The following CNEP1R1 variants were observed in gnomAD, a reference collection of about 807,000 sequenced individuals.
CNEP1R1 encodes the protein nuclear envelope phosphatase-regulatory subunit 1.
A neutral mutation model predicts 22.7 loss-of-function variants in CNEP1R1; 10 were observed. The ratio of observed to expected loss-of-function variants is 0.44; its 90% CI spans 0.27 to 0.75. The LOEUF (loss-of-function observed/expected upper bound fraction) is 0.75. CNEP1R1 is among the 30% of genes least tolerant of loss of function. The pLI is 0.17. For synonymous variants in CNEP1R1, 53 were observed against 50.1 expected (o/e 1.06, Z -0.25); for missense variants, 73 against 151.5 (o/e 0.48, Z 2.72).
At chr16:50,029,904 A>G in intron 3 of CNEP1R1, 106 bp downstream of exon 3, 1 of 619,772 alleles carries the variant, frequency 1.6e-6, no homozygotes. Context: ...AACTACTACT[A>G]GTGATATTGT....
intron 1 of CNEP1R1, chr16:50,026,149 CTAAAAG>C (rs1232345221): frequency 2.2e-6 from 1 of 457,728 alleles, no homozygotes; most frequent in Non-Finnish European, 3.9e-6. Context: ...TATGAAGCTT[CTAAAAG>C]TAAATCAGCA....
intron 5 of CNEP1R1, chr16:50,034,483 C>T (rs969294988): frequency 3.3e-6 from 1 of 307,520 alleles, no homozygotes; most frequent in Non-Finnish European, 6.2e-6. Flanking sequence ...AATGGCTCAG[C>T]GGATATTGGT....
At position 50,025,322 on chromosome 16, in the gene CNEP1R1, T is replaced by A; in HGVS notation, c.7T>A (p.Ser3Thr). 7.0e-7 allele frequency: 1 copy of A among 1,432,674 alleles called. No homozygotes were observed. Among genetic ancestry groups the A allele is most frequent in the Non-Finnish European group, 9.1e-7 (1 of 1,096,856 alleles). The allele number at this position is 1,432,674 out of a possible 1,614,324, so 88.7% of individuals were successfully genotyped here. The change falls in exon 1 of 6, where the codon TCG becomes ACG. Residue 3 changes from serine (S) to threonine (T), a missense_variant. Physicochemically the swap from Ser to Thr is moderately conservative, Grantham distance 58 (BLOSUM62 1). Transcript: ENST00000427478. Reference protein sequence around the residue: MNSLEQAEDLKAF... With the variant: MNTLEQAEDLKAF... Reference sequence around the variant, plus strand: ...ACCCGAGCTGCCGCCCGACATGAACTCGCTGGAGCAGGCGGAAGGTAGGGT... The same window carrying A: ...ACCCGAGCTGCCGCCCGACATGAACACGCTGGAGCAGGCGGAAGGTAGGGT...
intron 2 of CNEP1R1, among the ~76,000 whole-genome samples, chr16:50,027,263 A>T (rs2036192779): frequency 6.6e-6 from 1 of 152,098 alleles, no homozygotes. Flanking sequence ...TAATCCCAAC[A>T]CTTTGGTAGG....
chr16:50,025,809 G>C, intron 1 of CNEP1R1: 1 of 922,460 alleles, frequency 1.1e-6, no homozygotes, highest in Non-Finnish European at 1.7e-6. Flanking sequence ...CTAGAACTAG[G>C]CGCTGCCTGG....
intron 2 of CNEP1R1, among the ~76,000 whole-genome samples, chr16:50,028,625 A>C (rs1357594650): frequency 6.6e-6 from 1 of 152,190 alleles, no homozygotes; most frequent in Non-Finnish European, 1.5e-5. Context: ...AATGTGATAT[A>C]AATATACTTT....
intron 5 of CNEP1R1, 185 bp downstream of exon 5, chr16:50,034,341 C>T: frequency 1.8e-6 from 1 of 559,928 alleles, no homozygotes; most frequent in Non-Finnish European, 3.2e-6. Flanking sequence ...ATCCATCTTA[C>T]AGTCAATGAG....
At chr16:50,031,644 A>C (rs953459166) in intron 3 of CNEP1R1, among the ~76,000 whole-genome samples, 1 of 152,240 alleles carries the variant, frequency 6.6e-6, no homozygotes, top group Non-Finnish European at 1.5e-5. Context: ...TTAGGTGAGA[A>C]TATAACTATT....
chr16:50,025,535 C>T, intron 1 of CNEP1R1, 195 bp downstream of exon 1: 3 of 1,162,822 alleles, frequency 2.6e-6, no homozygotes, highest in Non-Finnish European at 3.7e-6. Context: ...CCTGAGTCCC[C>T]ACAAACCTAG....
rs71138024 is a variant in CNEP1R1 at position 50,027,507 on chromosome 16, C to CAA, written c.97+1058_97+1059dup. ...TGGGCGACAGAGCGAGACTCTGTCT[C>CAA]AAAAAAAAAAAAAAAAAAATTTAGC... On this transcript the variant is annotated intron_variant, in intron 2 of 5. Transcript: ENST00000427478. Among the ~76,000 whole-genome samples, 254 of 109,944 alleles carry CAA rather than the reference C, an allele frequency of 2.3e-3. 1 individual carries two copies. Among genetic ancestry groups the CAA allele is most frequent in the Admixed American group, 5.5e-3 (57 of 10,382 alleles). 72.1% of individuals were successfully genotyped at this position (109,944 alleles called of 152,430 possible).
At chr16:50,034,559 G>A (rs2036260120) in intron 5 of CNEP1R1, 1 of 196,982 alleles carries the variant, frequency 5.1e-6, no homozygotes, top group Admixed American at 5.8e-5. Flanking sequence ...TAGAGTCATA[G>A]ATTAATTTGT....
At position 50,033,500 on chromosome 16, in the gene CNEP1R1, C is replaced by T. The variant is rs1342155275; in HGVS notation, c.275C>T (p.Pro92Leu). 6.7e-7 allele frequency: 1 copy of T among 1,486,148 alleles called. No individual in the cohort carries two copies. The highest frequency in any genetic ancestry group is 9.4e-7 in the Non-Finnish European group (1 of 1,066,592). The allele number at this position is 1,486,148 out of a possible 1,614,324, so 92.1% of individuals were successfully genotyped here. A position where few individuals can be genotyped will look rare whatever the true frequency, so the allele number is the denominator to read the frequency against. ...FAGIHKRVVA[P>L]SIIAARCRTV... The stretch of plus-strand genomic sequence containing the variant: ...GGAATACACAAGAGAGTAGTTGCAC[C>T]ATCAATGTATCCTTTACCAAGGATT... The change falls in exon 4 of 6, where the codon CCA (proline) becomes CTA (leucine). Residue 92 changes from proline (P) to leucine (L), a missense_variant. Transcript: ENST00000427478.
intron 2 of CNEP1R1, among the ~76,000 whole-genome samples, chr16:50,027,425 G>A (rs952018585): frequency 1.3e-5 from 2 of 150,968 alleles, no homozygotes; most frequent in African/African-American, 2.4e-5. Flanking sequence ...GGAGAATGGA[G>A]TGAACCCAGG....
intron 1 of CNEP1R1, chr16:50,025,563 C>G: frequency 7.4e-7 from 1 of 1,353,292 alleles, no homozygotes; most frequent in East Asian, 2.3e-5. Context: ...ACCTCCTCGC[C>G]AGCTTCTATT....
At chr16:50,025,778 C>A in intron 1 of CNEP1R1, 1 of 1,236,636 alleles carries the variant, frequency 8.1e-7, no homozygotes, top group Non-Finnish European at 1.2e-6. Flanking sequence ...TCACTCGGAG[C>A]AGCTTAGACG....
chr16:50,035,623 C>T lies in CNEP1R1; in HGVS notation c.*165C>T. 1 of 570,100 alleles carries T rather than the reference C, an allele frequency of 1.8e-6. No individual in the cohort carries two copies. Among genetic ancestry groups the T allele is most frequent in the Non-Finnish European group, 3.1e-6 (1 of 322,644 alleles). The allele number at this position is 570,100 out of a possible 1,614,324, so 35.3% of individuals were successfully genotyped here. ...CTGGATTATCTTGATGATGGTGACT[C>T]ATTATCAGTGCTTTGGTACTTTTGA... is the stretch of plus-strand genomic sequence containing the variant. On this transcript the variant is annotated 3_prime_UTR_variant, in exon 6 of 6. Transcript: ENST00000427478.
chr16:50,033,884 G>A (rs537396555), intron 4 of CNEP1R1, among the ~76,000 whole-genome samples: 72 of 144,034 alleles, frequency 5.0e-4, no homozygotes, highest in African/African-American at 1.5e-3. Flanking sequence ...AAAAGAGTAC[G>A]CTTTGTGTTT....
chr16:50,034,523 T>TA (rs2144283584), intron 5 of CNEP1R1: 1 of 184,444 alleles, frequency 5.4e-6, no homozygotes, highest in African/African-American at 4.1e-5. Context: ...TATCAAGTGA[T>TA]ATGCTATATA....
chr16:50,029,922 A>C, intron 3 of CNEP1R1, 124 bp downstream of exon 3: 1 of 548,378 alleles, frequency 1.8e-6, no homozygotes, highest in Non-Finnish European at 3.2e-6. Context: ...TGTCATATTA[A>C]AAATATGCCT....
Sources: gnomAD v4.1 joint callset for allele counts (sites outside exome capture counted in the v4.1 genomes callset) on GRCh38, gnomAD v4.1.1 for gene constraint, MANE v1.5 for transcripts, NCBI Gene and HGNC (gene_info 2026-07-23, HGNC 2026-07-21) for gene names.